The following CENPP variants were observed in gnomAD, a reference collection of about 807,000 sequenced individuals.
CENPP encodes centromere protein P.
A neutral mutation model predicts 35.6 loss-of-function variants in CENPP; 24 were observed. That is an observed-to-expected ratio of 0.67 (90% CI 0.49 to 0.95). The LOEUF (loss-of-function observed/expected upper bound fraction) is 0.95, where lower values mean the gene tolerates loss of function less well. Ranked by LOEUF, CENPP falls within the 40% of genes least tolerant of loss-of-function variation. The pLI is 0.00. For synonymous variants in CENPP, 120 were observed against 125.5 expected (o/e 0.96, Z 0.29); for missense variants, 332 against 345.3 (o/e 0.96, Z 0.31).
rs397950642 is a variant in CENPP at position 92,456,623 on chromosome 9, T to TA, written c.564+76776dup. 928 of 143,784 alleles carry TA rather than the reference T, an allele frequency of 6.5e-3. 3 individuals carry two copies. Among genetic ancestry groups the TA allele is most frequent in the Middle Eastern group, 0.014 (4 of 284 alleles). The allele number at this position is 143,784 out of a possible 1,614,324, so 8.9% of individuals were successfully genotyped here. A position where few individuals can be genotyped will look rare whatever the true frequency, so the allele number is the denominator to read the frequency against. The stretch of plus-strand genomic sequence containing the variant: ...AGAGATTTTTAAATCAGGTAATAAT[T>TA]AAAAAAAAAAAAGCATATGCTATAG... On this transcript the variant is annotated intron_variant, in intron 5 of 7. Coordinates refer to ENST00000375587, the MANE Select transcript of CENPP (RefSeq NM_001012267.3).
intron 5 of CENPP, among the ~76,000 whole-genome samples, chr9:92,588,071 C>T (rs910316181): frequency 2.0e-5 from 3 of 151,662 alleles, no homozygotes; most frequent in South Asian, 2.1e-4. Context: ...ACCCAGGAGG[C>T]GGAGGTTGCA....
At chr9:92,545,191 C>T (rs934825993) in intron 5 of CENPP, among the ~76,000 whole-genome samples, 7 of 152,076 alleles carry the variant, frequency 4.6e-5, no homozygotes, top group Non-Finnish European at 8.8e-5. Flanking sequence ...GGAGCTCCTT[C>T]CTGGGATGGC....
chr9:92,570,769 C>T (rs1434613184), intron 5 of CENPP, among the ~76,000 whole-genome samples: 2 of 152,174 alleles, frequency 1.3e-5, no homozygotes, highest in Non-Finnish European at 2.9e-5. Context: ...TGTTATTGGT[C>T]TATTAAGAGA....
chr9:92,402,707 C>T (rs1843168386), intron 5 of CENPP, among the ~76,000 whole-genome samples: 1 of 152,108 alleles, frequency 6.6e-6, no homozygotes, highest in Non-Finnish European at 1.5e-5. Context: ...AAAGAAAGTC[C>T]TATATTGACT....
At chr9:92,367,651 C>T (rs1208451974) in intron 4 of CENPP, among the ~76,000 whole-genome samples, 1 of 151,992 alleles carries the variant, frequency 6.6e-6, no homozygotes, top group Non-Finnish European at 1.5e-5. Context: ...GAGTTTCACT[C>T]TTGTTGCTCA....
At chr9:92,472,423 G>A (rs1357241975) in intron 5 of CENPP, among the ~76,000 whole-genome samples, 1 of 151,934 alleles carries the variant, frequency 6.6e-6, no homozygotes, top group Non-Finnish European at 1.5e-5. Context: ...ACTTTCGGAG[G>A]CCGAGTCGGG....
intron 5 of CENPP, among the ~76,000 whole-genome samples, chr9:92,467,319 A>G (rs745606415): frequency 2.0e-5 from 3 of 152,216 alleles, no homozygotes; most frequent in Non-Finnish European, 4.4e-5. Context: ...CAGTCTGCCC[A>G]GATCATGAGA....
intron 5 of CENPP, among the ~76,000 whole-genome samples, chr9:92,420,600 T>G (rs1269356344): frequency 6.6e-6 from 1 of 152,226 alleles, no homozygotes; most frequent in Non-Finnish European, 1.5e-5. Flanking sequence ...CTGAAGCCTC[T>G]AATACCTTAT....
intron 3 of CENPP, among the ~76,000 whole-genome samples, chr9:92,339,087 G>A (rs1324656196): frequency 1.3e-5 from 2 of 152,174 alleles, no homozygotes; most frequent in African/African-American, 2.4e-5. Context: ...GGCCAACAGG[G>A]AATGTGTGCA....
chr9:92,424,862 G>T (rs558270741), intron 5 of CENPP, among the ~76,000 whole-genome samples: 1 of 152,000 alleles, frequency 6.6e-6, no homozygotes, highest in South Asian at 2.1e-4. Flanking sequence ...TTTTAGTAGA[G>T]ATGGGGTTTC....
At chr9:92,440,850 G>A (rs1320879914) in intron 5 of CENPP, among the ~76,000 whole-genome samples, 2 of 152,232 alleles carry the variant, frequency 1.3e-5, no homozygotes, top group East Asian at 3.9e-4. Flanking sequence ...TATCCCCCAA[G>A]GTAAAACCGA....
intron 5 of CENPP, among the ~76,000 whole-genome samples, chr9:92,526,562 A>T (rs1391767571): frequency 6.6e-6 from 1 of 151,982 alleles, no homozygotes; most frequent in Non-Finnish European, 1.5e-5. Context: ...ATTAGTGGAA[A>T]AAAAGAAATA....
intron 5 of CENPP, among the ~76,000 whole-genome samples, chr9:92,564,679 C>T (rs1236879572): frequency 1.3e-5 from 2 of 152,128 alleles, no homozygotes; most frequent in Admixed American, 6.5e-5. Context: ...GATATAAGAT[C>T]CCTCAGTATG....
At chr9:92,500,830 G>T in intron 5 of CENPP, 1 of 1,614,150 alleles carries the variant, frequency 6.2e-7, no homozygotes, top group South Asian at 1.1e-5. Flanking sequence ...AATTCTCTCA[G>T]AGAATGATAT....
In CENPP at chr9:92,387,361, A is replaced by G. The variant is rs528955429; in HGVS notation, c.564+7502A>G. On this transcript the variant is annotated intron_variant, in intron 5 of 7. Coordinates refer to ENST00000375587, the MANE Select transcript of CENPP (RefSeq NM_001012267.3). The stretch of plus-strand genomic sequence containing the variant: ...ACTGCACTCCAGCCTGGGCCACAGA[A>G]CGAGACTCCATCTCAAGAAAAAAAA... 8.6e-5 allele frequency among the ~76,000 whole-genome samples: 13 copies of G among 151,628 alleles called. 1 individual carries two copies. Among genetic ancestry groups the G allele is most frequent in the African/African-American group, 3.1e-4 (13 of 41,380 alleles).
At chr9:92,360,417 A>T (rs899763622) in intron 4 of CENPP, among the ~76,000 whole-genome samples, 1 of 152,096 alleles carries the variant, frequency 6.6e-6, no homozygotes, top group East Asian at 1.9e-4. Flanking sequence ...CAACAACAAA[A>T]TTAGCTTATT....
chr9:92,400,667 A>G (rs949322901), intron 5 of CENPP, among the ~76,000 whole-genome samples: 2 of 152,220 alleles, frequency 1.3e-5, no homozygotes, highest in Non-Finnish European at 2.9e-5. Context: ...TTGTTATTTC[A>G]TGACAAGTTT....
rs3078372 is a variant in CENPP, at chr9:92,474,742, CTCATCATCATCATCA to C, written c.564+94913_564+94927del. 1.9e-4 allele frequency: 290 copies of C among 1,534,732 alleles called. 1 individual carries two copies. Among genetic ancestry groups the C allele is most frequent in the Admixed American group, 1.0e-3 (56 of 55,758 alleles). ...CTCTTGTTGGAAAAAGAGAGTTGTC[CTCATCATCATCATCA>C]TCATCATCATCATCATCATCATCAT... On this transcript the variant is annotated intron_variant, in intron 5 of 7. Transcript: ENST00000375587.
At chr9:92,431,679 ATTC>A (rs1488882948) in intron 5 of CENPP, among the ~76,000 whole-genome samples, 2 of 151,942 alleles carry the variant, frequency 1.3e-5, no homozygotes, top group African/African-American at 2.4e-5. Flanking sequence ...GGTTCAAGCA[ATTC>A]TTCTGCCTCA....
Sources: gnomAD v4.1 joint callset for allele counts (sites outside exome capture counted in the v4.1 genomes callset) on GRCh38, gnomAD v4.1.1 for gene constraint, MANE v1.5 for transcripts, NCBI Gene and HGNC (gene_info 2026-07-23, HGNC 2026-07-21) for gene names.